The following ZNF257 variants were observed in gnomAD, a reference collection of about 807,000 sequenced individuals.
ZNF257 encodes the protein zinc finger protein 257.
A neutral mutation model predicts 11.9 loss-of-function variants in ZNF257; 12 were observed. The ratio of observed to expected loss-of-function variants is 1.01; its 90% confidence interval spans 0.65 to 1.63. ZNF257 has a LOEUF of 1.63. ZNF257 is among the 40% of genes most tolerant of loss of function. The probability of loss-of-function intolerance (pLI) is 0.00; values close to 1 mark genes in which losing one functional copy is unlikely to be tolerated. For missense variants in ZNF257, 580 were observed against 665.5 expected (o/e 0.87, Z 1.41); for synonymous variants, 183 against 222.7 (o/e 0.82, Z 1.59).
chr19:22,078,510 A>AT (rs2022283587), intron 3 of ZNF257, among the ~76,000 whole-genome samples: 2 of 152,066 alleles, frequency 1.3e-5, no homozygotes, highest in South Asian at 2.1e-4. Flanking sequence ...ATTTTCACAC[A>AT]TTTTTTATGA....
In ZNF257 at chr19:22,089,170, C is replaced by T. The variant is rs1466006017; in HGVS notation, c.1420C>T (p.Leu474Phe). 1 of 1,613,586 alleles carries T rather than the reference C, an allele frequency of 6.2e-7. No individual in the cohort carries two copies. Among genetic ancestry groups the T allele is most frequent in the Admixed American group, 1.7e-5 (1 of 59,952 alleles). The change falls in exon 4 of 4, where the codon CTT becomes TTT. Residue 474 changes from leucine (L) to phenylalanine (F), a missense_variant. Leu to Phe is a conservative substitution (Grantham distance 22, BLOSUM62 0). Coordinates refer to ENST00000594947, the MANE Select transcript of ZNF257 (RefSeq NM_033468.4). ...CAAAGCCTTTAACCAGTCTTCACACCTTACTCAACATAAAATAATTCATAC... is the reference window on the plus strand; with the variant it reads ...CAAAGCCTTTAACCAGTCTTCACACTTTACTCAACATAAAATAATTCATAC... ...CGKAFNQSSH[L>F]TQHKIIHTGE...
At chr19:22,059,479 G>T (rs554200665) in intron 1 of ZNF257, among the ~76,000 whole-genome samples, 2 of 151,942 alleles carry the variant, frequency 1.3e-5, no homozygotes, top group Admixed American at 1.3e-4. Context: ...GAGGGACGGG[G>T]TTTCACCATG....
At chr19:22,075,562 G>A (rs2022206865) in intron 3 of ZNF257, 1 of 152,226 alleles carries the variant, frequency 6.6e-6, no homozygotes. Context: ...TAATTACAGA[G>A]TAAATTCAGA....
chr19:22,088,923 G>C lies in ZNF257; in HGVS notation c.1173G>C (p.Lys391Asn). The C allele has an allele frequency of 1.2e-6, 2 of 1,611,414 alleles. No individual in the cohort carries two copies. Among genetic ancestry groups the C allele is most frequent in the Non-Finnish European group, 1.7e-6 (2 of 1,179,106 alleles). The change falls in exon 4 of 4, where the codon AAG (lysine) becomes AAC (asparagine). Residue 391 changes from lysine to asparagine, a missense_variant. Transcript: ENST00000594947. ...FNRSSHLTKH[K>N]RIHTREKAYK... is the part of the protein sequence containing the mutation. ...GGTCTTCACACCTTACTAAACATAA[G>C]AGAATTCATACTAGAGAGAAGGCCT... is the stretch of plus-strand genomic sequence containing the variant.
chr19:22,079,964 T>C (rs115998640), intron 3 of ZNF257, among the ~76,000 whole-genome samples: 2,757 of 152,188 alleles, frequency 0.018, 86 homozygotes, highest in African/African-American at 0.063. Flanking sequence ...CAGTGTATAA[T>C]TTTGGTATAC....
At chr19:22,074,937 A>G (rs2022192691) in intron 3 of ZNF257, among the ~76,000 whole-genome samples, 1 of 152,226 alleles carries the variant, frequency 6.6e-6, no homozygotes, top group Non-Finnish European at 1.5e-5. Context: ...CTATGTTAAA[A>G]TAGAAGCATT....
chr19:22,088,669 AAG>A lies in ZNF257; in HGVS notation c.923_924del (p.Arg308AsnfsTer11), dbSNP rs778887016. On this transcript the variant is annotated frameshift_variant, in exon 4 of 4. Transcript: ENST00000594947. LOFTEE classifies it low-confidence loss of function (END_TRUNC). ...SSALTTLTQHKRIHTGEKPYK... is the reference protein window; with the variant it reads ...SSALTTLTQHXRIHTGEKPYK... ...AGCTCTTACTACCCTTACTCAACAT[AAG>A]AGAATTCATACTGGAGAGAAACCCT... 1.6e-5 allele frequency: 26 copies of A among 1,613,530 alleles called. No individual in the cohort carries two copies. The highest frequency in any genetic ancestry group is 2.1e-5 in the Non-Finnish European group (25 of 1,179,858).
chr19:22,087,808 G>A (rs1311839733), intron 3 of ZNF257, among the ~76,000 whole-genome samples, 169 bp from the exon 4 acceptor site: 3 of 151,866 alleles, frequency 2.0e-5, no homozygotes, highest in African/African-American at 7.3e-5. Context: ...ATGTGTTTTG[G>A]TCAGTATGTT....
chr19:22,079,868 T>C (rs1471290534), intron 3 of ZNF257, among the ~76,000 whole-genome samples: 1 of 148,790 alleles, frequency 6.7e-6, no homozygotes. Flanking sequence ...TGTTGAAGAA[T>C]TTTATATATT....
In ZNF257 at chr19:22,072,115, T is replaced by A. The variant is rs2022117464; in HGVS notation, c.4-694T>A. ...CTGGGAGAAAATGTCACAGTGGTGATGCTGTGTCCTTCTTTTGTGCATCAG... is the reference window on the plus strand; with the variant it reads ...CTGGGAGAAAATGTCACAGTGGTGAAGCTGTGTCCTTCTTTTGTGCATCAG... On this transcript the variant is annotated intron_variant, in intron 1 of 3. Coordinates refer to ENST00000594947, the MANE Select transcript of ZNF257 (RefSeq NM_033468.4). Among the ~76,000 whole-genome samples, 3 of 152,164 alleles carry A rather than the reference T, an allele frequency of 2.0e-5. No individual in the cohort carries two copies. In the South Asian group the frequency reaches 6.2e-4, roughly 31 times the overall value.
At chr19:22,084,721 C>T (rs192178378) in intron 3 of ZNF257, among the ~76,000 whole-genome samples, 14 of 145,572 alleles carry the variant, frequency 9.6e-5, no homozygotes, top group East Asian at 6.0e-4. Flanking sequence ...AGAAAGTAAT[C>T]TATAAAATTT....
chr19:22,087,460 G>T, intron 3 of ZNF257: 1 of 681,182 alleles, frequency 1.5e-6, no homozygotes, highest in Non-Finnish European at 2.1e-6. Context: ...CAGTCTGTCT[G>T]CTGCTGTAAC....
At chr19:22,067,317 T>G (rs2021977070) in intron 1 of ZNF257, among the ~76,000 whole-genome samples, 1 of 152,114 alleles carries the variant, frequency 6.6e-6, no homozygotes, top group Admixed American at 6.5e-5. Context: ...GAGTAATATG[T>G]GCGCACTGAA....
rs1244257809 is a variant in ZNF257 at position 22,089,970 on chromosome 19, A to G, written c.*528A>G. ...CTCTAGAAATATAAAGAACATGAAA[A>G]ACTTTTAAATGGTTTTCACACTTGA... is the stretch of plus-strand genomic sequence containing the variant. On this transcript the variant is annotated 3_prime_UTR_variant, in exon 4 of 4. Transcript: ENST00000594947. The G allele has an allele frequency of 1.3e-5, 2 of 155,414 alleles. No individual in the cohort carries two copies. The highest frequency in any genetic ancestry group is 2.4e-5 in the African/African-American group (1 of 41,428). The allele number at this position is 155,414 out of a possible 1,614,324, so 9.6% of individuals were successfully genotyped here.
chr19:22,077,862 C>T lies in ZNF257; in HGVS notation c.226+4298C>T, dbSNP rs531879236. On this transcript the variant is annotated intron_variant, in intron 3 of 3. Transcript: ENST00000594947. Reference sequence around the variant, plus strand: ...TTATAACATTTTAAAATAATGGCTACGCTCCTGATTTTCACCAACAATCGA... The same window carrying T: ...TTATAACATTTTAAAATAATGGCTATGCTCCTGATTTTCACCAACAATCGA... 2.2e-4 allele frequency among the ~76,000 whole-genome samples: 33 copies of T among 151,952 alleles called. 1 individual carries two copies. The highest frequency in any genetic ancestry group is 4.2e-4 in the South Asian group (2 of 4,810).
chr19:22,083,686 T>G (rs541108342), intron 3 of ZNF257, among the ~76,000 whole-genome samples: 35 of 152,320 alleles, frequency 2.3e-4, no homozygotes, highest in African/African-American at 7.7e-4. Flanking sequence ...TCCAGTATTA[T>G]GGCACTTTTG....
At chr19:22,087,045 T>C (rs4932746) in intron 3 of ZNF257, among the ~76,000 whole-genome samples, 131,199 of 151,732 alleles carry the variant, frequency 0.86, 57,174 homozygotes, top group East Asian at 0.97. Flanking sequence ...CCGTTTTTCT[T>C]ATTTTTCTGA....
intron 1 of ZNF257, among the ~76,000 whole-genome samples, chr19:22,055,270 C>G (rs560654808): frequency 6.6e-6 from 1 of 152,050 alleles, no homozygotes; most frequent in South Asian, 2.1e-4. Context: ...GCAGTGACAC[C>G]ATCTTGGCTC....
intron 1 of ZNF257, chr19:22,066,457 C>G (rs760858659): frequency 6.6e-6 from 1 of 152,616 alleles, no homozygotes; most frequent in Non-Finnish European, 1.5e-5. Context: ...GAGCTGCCAG[C>G]TGTGAGCCCT....
Sources: allele counts gnomAD v4.1 joint callset (sites outside exome capture counted in the v4.1 genomes callset), GRCh38; gene constraint gnomAD v4.1.1; transcripts MANE v1.5; gene names NCBI Gene and HGNC (gene_info 2026-07-23, HGNC 2026-07-21).